CFAP97: variants seen among roughly 807,000 people sequenced by gnomAD.
CFAP97 encodes cilia and flagella associated protein 97.
A neutral mutation model predicts 43.1 loss-of-function variants in CFAP97; 36 were observed. The observed-to-expected ratio is 0.84, with a 90% CI of 0.64 to 1.10. The LOEUF (loss-of-function observed/expected upper bound fraction) is 1.10, where lower values mean the gene tolerates loss of function less well. Among genes scored for constraint, CFAP97 ranks in the 50% least tolerant of loss-of-function variants. CFAP97 has a pLI of 0.00. For missense variants in CFAP97, 657 were observed against 620.3 expected (o/e 1.06, Z -0.63); for synonymous variants, 228 against 225.7 (o/e 1.01, Z -0.09).
In CFAP97 at chr4:185,164,093, G is replaced by C. The variant is rs377555584; in HGVS notation, c.1407C>G (p.Gly469=). 32 of 1,613,764 alleles carry C rather than the reference G, an allele frequency of 2.0e-5. No individual in the cohort carries two copies. Among genetic ancestry groups the C allele is most frequent in the Middle Eastern group, 3.3e-4 (2 of 6,084 alleles). The part of the protein sequence containing the change: ...EQLMDYHRNM[G]YLNSSPLSRR... The stretch of plus-strand genomic sequence containing the variant: ...TTGACAATGGTGATGAGTTGAGATA[G>C]CCCATATTGCGATGATAGTCCATCA... The change falls in exon 4 of 5, where the codon GGC becomes GGG. Residue 469 remains glycine (G), a synonymous_variant. Transcript: ENST00000458385.
rs377061979 is a variant in CFAP97, at chr4:185,175,963, T to G, written c.1143A>C (p.Arg381Ser). 69 of 1,613,788 alleles carry G rather than the reference T, an allele frequency of 4.3e-5. No homozygotes were observed. The highest frequency in any genetic ancestry group is 4.7e-5 in the Non-Finnish European group (55 of 1,179,884). ...VAPGKNYSFT[R>S]EEVRQIDREN... is the part of the protein sequence containing the mutation. ...CCCGATCGATCTGTCTCACCTCTTC[T>G]CTTGTGAAAGAGTAGTTTTTCCCGG... Residue 381 changes from arginine to serine, a missense_variant, in exon 3 of 5, where the codon AGA becomes AGC. Coordinates refer to ENST00000458385, the MANE Select transcript of CFAP97 (RefSeq NM_020827.3).
chr4:185,206,667 AAAAAAAAAAAAAAAAG>A (rs1737202554), upstream of CFAP97, among the ~76,000 whole-genome samples: 1 of 149,642 alleles, frequency 6.7e-6, no homozygotes, highest in Non-Finnish European at 1.5e-5. Flanking sequence ...TCTCAAAAAA[AAAAAAAAAAAAAAAAG>A]AATGGAAGAT....
rs556613114 is a variant in CFAP97, at chr4:185,178,896, G to A, written c.1055-2845C>T. The stretch of plus-strand genomic sequence containing the variant: ...TGTTAAGGGAAATAGAGAAACTAAC[G>A]ACCACACTGGTAGATCTGGCCCAGC... On this transcript the variant is annotated intron_variant, in intron 2 of 4. Coordinates refer to ENST00000458385, the MANE Select transcript of CFAP97 (RefSeq NM_020827.3). 5.3e-5 allele frequency among the ~76,000 whole-genome samples: 8 copies of A among 152,138 alleles called. 1 individual carries two copies. The highest frequency in any genetic ancestry group is 2.6e-4 in the Admixed American group (4 of 15,260).
At chr4:185,184,255 T>C (rs1445023192) in intron 2 of CFAP97, among the ~76,000 whole-genome samples, 1 of 152,216 alleles carries the variant, frequency 6.6e-6, no homozygotes, top group Non-Finnish European at 1.5e-5. Flanking sequence ...TACTGAAGTT[T>C]GAGAAGCTCT....
rs201338955 is a variant in CFAP97 at position 185,165,367 on chromosome 4, GT to G, written c.1321-1189del. Among the ~76,000 whole-genome samples the G allele has an allele frequency of 4.9e-3, 581 of 118,532 alleles. 2 individuals are homozygous for G. Among genetic ancestry groups the G allele is most frequent in the African/African-American group, 0.017 (547 of 32,404 alleles). 77.8% of individuals were successfully genotyped at this position (118,532 alleles called of 152,430 possible). On this transcript the variant is annotated intron_variant, in intron 3 of 4. Coordinates refer to ENST00000458385, the MANE Select transcript of CFAP97 (RefSeq NM_020827.3). ...AGGCAACACAGTATCCAATAACATG[GT>G]AATTTTTTTTACAATTCAGTAACAG...
chr4:185,177,025 A>AT (rs1403523386), intron 2 of CFAP97, among the ~76,000 whole-genome samples: 2 of 152,218 alleles, frequency 1.3e-5, no homozygotes, highest in East Asian at 3.8e-4. Context: ...TCCATATTAT[A>AT]ATTATCAATA....
intron 3 of CFAP97, among the ~76,000 whole-genome samples, chr4:185,175,452 T>A (rs1462554907): frequency 6.6e-6 from 1 of 151,990 alleles, no homozygotes; most frequent in Non-Finnish European, 1.5e-5. Context: ...ATTTCTGCAT[T>A]TTTGGTAGAG....
At chr4:185,205,041 T>A (rs1386850497), upstream of CFAP97, among the ~76,000 whole-genome samples, 2 of 152,194 alleles carry the variant, frequency 1.3e-5, no homozygotes, top group Non-Finnish European at 2.9e-5. Context: ...GAAATATGGG[T>A]CTTACCCTGC....
rs1425076112 is a variant in CFAP97 at position 185,209,345 on chromosome 4, C to G, written c.-94G>C. 2 of 152,458 alleles carry G rather than the reference C, an allele frequency of 1.3e-5. No individual in the cohort carries two copies. Among genetic ancestry groups the G allele is most frequent in the African/African-American group, 4.8e-5 (2 of 41,472 alleles). 9.4% of individuals were successfully genotyped at this position (152,458 alleles called of 1,614,324 possible). On this transcript the variant is annotated 5_prime_UTR_variant, in exon 1 of 3. Coordinates refer to the CFAP97 transcript ENST00000503223. The surrounding 1 kb of genome is among the most constrained non-coding windows in gnomAD (Gnocchi z 5.2). ...ATCACCTGAGCTCAGGAATTACCAG[C>G]GCCGCTGACACCTGCAGCAAAATTT...
intron 2 of CFAP97, among the ~76,000 whole-genome samples, chr4:185,186,999 G>A (rs553526285): frequency 5.3e-5 from 8 of 152,158 alleles, no homozygotes; most frequent in African/African-American, 7.2e-5. Context: ...CTAGCGAATC[G>A]TATGCTCTAG....
rs189464488 is a variant in CFAP97 at position 185,181,253 on chromosome 4, C to T, written c.1055-5202G>A. Among the ~76,000 whole-genome samples the T allele has an allele frequency of 6.9e-5, 10 of 144,230 alleles. No individual in the cohort carries two copies. In the East Asian group the frequency reaches 1.8e-3, roughly 26 times the overall value. The allele number at this position is 144,230 out of a possible 152,430, so 94.6% of individuals were successfully genotyped here. On this transcript the variant is annotated intron_variant, in intron 2 of 4. Transcript: ENST00000458385. Reference sequence around the variant, plus strand: ...CCAGCATGGGCAACAGAGCGAGACTCCGTCTCAAAAAAAATAAAAATAAAA... The same window carrying T: ...CCAGCATGGGCAACAGAGCGAGACTTCGTCTCAAAAAAAATAAAAATAAAA...
chr4:185,190,759 A>G lies in CFAP97; in HGVS notation c.438T>C (p.His146=), dbSNP rs1209080045. 1.3e-6 allele frequency: 2 copies of G among 1,597,538 alleles called. No homozygotes were observed. Among genetic ancestry groups the G allele is most frequent in the Non-Finnish European group, 1.7e-6 (2 of 1,170,902 alleles). Residue 146 remains histidine (H), a synonymous_variant, in exon 2 of 5, where the codon CAT becomes CAC. Coordinates refer to ENST00000458385, the MANE Select transcript of CFAP97 (RefSeq NM_020827.3). ...ATGGTTTAGCGGACTTGGACTTCACATGGTATTTCTTCCCATCATCACTGC... is the reference window on the plus strand; with the variant it reads ...ATGGTTTAGCGGACTTGGACTTCACGTGGTATTTCTTCCCATCATCACTGC... ...EESSDDGKKY[H]VKSKSAKPST...
chr4:185,190,877 G>C lies in CFAP97; in HGVS notation c.320C>G (p.Thr107Arg). 1 of 1,612,720 alleles carries C rather than the reference G, an allele frequency of 6.2e-7. No homozygotes were observed. Among genetic ancestry groups the C allele is most frequent in the South Asian group, 1.1e-5 (1 of 90,834 alleles). ...GGACACGTGTATTTTAAGTCCTGTT[G>C]TAACATCACACAATTTTTTTGATCT... Reference protein sequence around the residue: ...SSRSKKLCDVTTGLKIHVSIP... With the variant: ...SSRSKKLCDVRTGLKIHVSIP... The change falls in exon 2 of 5, where the codon ACA becomes AGA. Residue 107 changes from threonine to arginine, a missense_variant. Coordinates refer to ENST00000458385, the MANE Select transcript of CFAP97 (RefSeq NM_020827.3).
intron 2 of CFAP97, among the ~76,000 whole-genome samples, chr4:185,180,328 G>C (rs1041172980): frequency 3.3e-5 from 5 of 152,024 alleles, no homozygotes; most frequent in African/African-American, 1.2e-4. Flanking sequence ...CAGTGGTACC[G>C]AATACATTCA....
At chr4:185,162,974 A>G in intron 4 of CFAP97, 49 bp from the exon 5 acceptor site, 1 of 1,464,536 alleles carries the variant, frequency 6.8e-7, no homozygotes. Context: ...CCTCACTTGA[A>G]GTCCAGACTA....
At chr4:185,200,823 T>A (rs190740259) in intron 1 of CFAP97, among the ~76,000 whole-genome samples, 3 of 152,230 alleles carry the variant, frequency 2.0e-5, no homozygotes, top group Admixed American at 2.0e-4. Context: ...AAGATGTAAC[T>A]GAATTGCTGC....
intron 2 of CFAP97, chr4:185,182,635 T>C (rs1218978499): frequency 6.6e-6 from 1 of 152,244 alleles, no homozygotes; most frequent in African/African-American, 2.4e-5. Flanking sequence ...TTTGTGATCA[T>C]GTCGGTAACA....
chr4:185,191,189 T>A lies in CFAP97; in HGVS notation c.8A>T (p.Gln3Leu). 1 of 1,534,574 alleles carries A rather than the reference T, an allele frequency of 6.5e-7. No homozygotes were observed. The highest frequency in any genetic ancestry group is 8.7e-7 in the Non-Finnish European group (1 of 1,148,796). MD[Q>L]FGDILEGEVD... ...TTCACCTTCTAATATATCTCCAAAC[T>A]GATCCATGATGGCAAAAATATATCT... The change falls in exon 2 of 5, where the codon CAG becomes CTG. Residue 3 changes from glutamine to leucine, a missense_variant. Coordinates refer to ENST00000458385, the MANE Select transcript of CFAP97 (RefSeq NM_020827.3).
At position 185,175,842 on chromosome 4, in the gene CFAP97, A is replaced by G. The variant is rs759832422; in HGVS notation, c.1264T>C (p.Tyr422His). Reference sequence around the variant, plus strand: ...TTCTGTCTGTTGAGAGCACTGTGATATAACTTTGGGGGATGATCAGCCGAT... The same window carrying G: ...TTCTGTCTGTTGAGAGCACTGTGATGTAACTTTGGGGGATGATCAGCCGAT... ...PRSADHPPKL[Y>H]HSALNRQKEQ... The change falls in exon 3 of 5, where the codon TAT becomes CAT. Residue 422 changes from tyrosine to histidine, a missense_variant. By Grantham distance (83) the Tyr-to-His change is moderately conservative. Transcript: ENST00000458385. The G allele has an allele frequency of 3.1e-6, 5 of 1,613,954 alleles. No homozygotes were observed. The Admixed American group carries it at 8.3e-5, about 27-fold the overall frequency.
Sources: allele counts gnomAD v4.1 joint callset (sites outside exome capture counted in the v4.1 genomes callset), GRCh38; gene constraint gnomAD v4.1.1; non-coding constraint Gnocchi (gnomAD v3.1); transcripts MANE v1.5; gene names NCBI Gene and HGNC (gene_info 2026-07-23, HGNC 2026-07-21).